ZNF654: variants seen among roughly 807,000 people sequenced by gnomAD.
ZNF654 encodes zinc finger protein 654.
A neutral mutation model predicts 95.3 loss-of-function variants in ZNF654; 19 were observed. The observed-to-expected ratio is 0.20, with a 90% confidence interval of 0.14 to 0.29. The LOEUF is 0.29. Among genes scored for constraint, ZNF654 ranks in the 10% least tolerant of loss-of-function variants. The probability of loss-of-function intolerance (pLI) is 1.00; values close to 1 mark genes in which losing one functional copy is unlikely to be tolerated. For synonymous variants in ZNF654, 413 were observed against 457.9 expected, an observed-to-expected ratio of 0.90 and a Z score of 1.25; for missense variants, 1,046 against 1,341.0, an observed-to-expected ratio of 0.78 and a Z score of 3.44.
At chr3:88,113,703 T>G (rs1169810070) in intron 3 of ZNF654, among the ~76,000 whole-genome samples, 4 of 152,160 alleles carry the variant, frequency 2.6e-5, no homozygotes, top group African/African-American at 9.7e-5. Context: ...ATCTTTTTAC[T>G]ACTTACTGGG....
At chr3:88,108,736 C>G (rs1215272001) in intron 2 of ZNF654, among the ~76,000 whole-genome samples, 1 of 151,772 alleles carries the variant, frequency 6.6e-6, no homozygotes, top group South Asian at 2.1e-4. Flanking sequence ...TAATAATGGC[C>G]CCAAAGCCAA....
intron 3 of ZNF654, among the ~76,000 whole-genome samples, chr3:88,113,779 T>G (rs946411705): frequency 9.3e-5 from 14 of 150,782 alleles, no homozygotes; most frequent in Non-Finnish European, 1.8e-4. Context: ...AGGGGTGAAG[T>G]GTCCCTGATC....
Position 88,140,223 on chromosome 3 carries a change from C to T in ZNF654, c.2554C>T (p.His852Tyr). ...FQAQCSFPEC[H>Y]ELFEDLPLLY... ...GGCTCAGTGTAGTTTTCCAGAATGC[C>T]ATGAGCTTTTTGAAGATCTTCCTCT... The change falls in exon 8 of 9, where the codon CAT becomes TAT. Residue 852 changes from histidine (H) to tyrosine (Y), a missense_variant. This residue lies in a region of ZNF654 where 495 missense variants were observed against 537.0 expected (regional missense o/e 0.92). Coordinates refer to ENST00000636215, the MANE Select transcript of ZNF654 (RefSeq NM_001350134.2). The T allele has an allele frequency of 6.2e-7, 1 of 1,613,832 alleles. No homozygotes were observed. Among genetic ancestry groups the T allele is most frequent in the South Asian group, 1.1e-5 (1 of 91,074 alleles).
intron 8 of ZNF654, 168 bp downstream of exon 8, chr3:88,141,216 T>TA: frequency 1.3e-6 from 1 of 761,956 alleles, no homozygotes; most frequent in Non-Finnish European, 2.0e-6. Context: ...TATGAGGTGA[T>TA]ACTAATATTC....
At chr3:88,062,044 A>G (rs1706916066) in intron 1 of ZNF654, among the ~76,000 whole-genome samples, 1 of 152,136 alleles carries the variant, frequency 6.6e-6, no homozygotes, top group African/African-American at 2.4e-5. Flanking sequence ...TGTGTCTTTT[A>G]CCATAAGGAA....
chr3:88,101,731 C>T (rs550188862), intron 2 of ZNF654, among the ~76,000 whole-genome samples: 9 of 152,098 alleles, frequency 5.9e-5, no homozygotes, highest in East Asian at 5.8e-4. Context: ...TTATGTTTAG[C>T]GTTTTGTAAA....
intron 1 of ZNF654, among the ~76,000 whole-genome samples, chr3:88,061,913 C>A (rs569393558): frequency 6.6e-6 from 1 of 152,020 alleles, no homozygotes; most frequent in East Asian, 1.9e-4. Context: ...AGTGGTGTTT[C>A]AAAGAAAGGC....
chr3:88,101,547 A>G (rs2107718854), intron 2 of ZNF654, among the ~76,000 whole-genome samples: 1 of 152,232 alleles, frequency 6.6e-6, no homozygotes, highest in Non-Finnish European at 1.5e-5. Context: ...TGTGCTTCAT[A>G]GATTTCAGTA....
intron 1 of ZNF654, among the ~76,000 whole-genome samples, chr3:88,077,730 A>G (rs948234376): frequency 2.0e-5 from 3 of 152,226 alleles, no homozygotes; most frequent in African/African-American, 7.2e-5. Flanking sequence ...GCAATTTAAC[A>G]GAATATTTTA....
At chr3:88,100,070 A>G (rs1704316829) in intron 2 of ZNF654, among the ~76,000 whole-genome samples, 1 of 152,180 alleles carries the variant, frequency 6.6e-6, no homozygotes, top group Non-Finnish European at 1.5e-5. Context: ...TTTACAATCT[A>G]CCCATCTGAC....
In ZNF654 at chr3:88,097,800, A is replaced by G. The variant is rs182940231; in HGVS notation, c.332+11398A>G. 7.0e-4 allele frequency among the ~76,000 whole-genome samples: 106 copies of G among 152,340 alleles called. 2 individuals are homozygous for G. Among genetic ancestry groups the G allele is most frequent in the Non-Finnish European group, 2.5e-4 (17 of 68,036 alleles). On this transcript the variant is annotated intron_variant, in intron 2 of 8. Coordinates refer to ENST00000636215, the MANE Select transcript of ZNF654 (RefSeq NM_001350134.2). ...TGAAACCAATGAGAACAAAGACACA[A>G]CATAACAGAATATCTGCGACACATT...
rs1384404365 is a variant in ZNF654, at chr3:88,143,716, C to T, written c.*2064C>T. On this transcript the variant is annotated 3_prime_UTR_variant, in exon 9 of 9. Transcript: ENST00000636215. ...TCTGTCTTTAACTTGAGGTTTATTT[C>T]TACTTTTGTGTTGCTAAAATTATTT... The T allele has an allele frequency of 2.0e-5, 3 of 152,132 alleles. No individual in the cohort carries two copies. The highest frequency in any genetic ancestry group is 4.4e-5 in the Non-Finnish European group (3 of 67,720). 9.4% of individuals were successfully genotyped at this position (152,132 alleles called of 1,614,324 possible).
intron 3 of ZNF654, among the ~76,000 whole-genome samples, chr3:88,114,999 T>C (rs145159559): frequency 8.9e-4 from 136 of 152,350 alleles, no homozygotes; most frequent in Admixed American, 3.6e-3. Context: ...AGCTCCGCAG[T>C]GGTTCTTCTC....
At chr3:88,099,698 A>C (rs1481809962) in intron 2 of ZNF654, among the ~76,000 whole-genome samples, 1 of 152,192 alleles carries the variant, frequency 6.6e-6, no homozygotes, top group Admixed American at 6.5e-5. Flanking sequence ...GATTTTGACA[A>C]TCCTGACAAA....
intron 3 of ZNF654, among the ~76,000 whole-genome samples, chr3:88,125,605 A>C (rs552898763): frequency 1.3e-5 from 2 of 152,260 alleles, no homozygotes; most frequent in East Asian, 1.9e-4. Context: ...ATTATCCAAC[A>C]AAGGGAAACA....
intron 1 of ZNF654, among the ~76,000 whole-genome samples, chr3:88,073,781 TAATC>T (rs1051029462): frequency 2.0e-5 from 3 of 152,206 alleles, no homozygotes; most frequent in Admixed American, 6.5e-5. Context: ...TAAAAATTGT[TAATC>T]AGTAGCTACA....
intron 6 of ZNF654, among the ~76,000 whole-genome samples, chr3:88,130,571 C>T (rs1201874538): frequency 2.0e-5 from 3 of 151,818 alleles, no homozygotes; most frequent in Non-Finnish European, 4.4e-5. Flanking sequence ...CCGCCTCAGC[C>T]TCCTCAGTAG....
chr3:88,102,626 C>T (rs1482850450), intron 2 of ZNF654, among the ~76,000 whole-genome samples: 1 of 152,148 alleles, frequency 6.6e-6, no homozygotes, highest in Non-Finnish European at 1.5e-5. Context: ...TCAGCCTCTC[C>T]TGTAAATCCA....
chr3:88,090,818 C>A (rs1576250376), intron 2 of ZNF654, among the ~76,000 whole-genome samples: 1 of 152,068 alleles, frequency 6.6e-6, no homozygotes, highest in Non-Finnish European at 1.5e-5. Context: ...ATTGTCTTGG[C>A]CCATACATAA....
Sources: allele counts gnomAD v4.1 joint callset (sites outside exome capture counted in the v4.1 genomes callset), GRCh38; gene constraint gnomAD v4.1.1; regional missense constraint gnomAD v4.1.1; transcripts MANE v1.5; gene names NCBI Gene and HGNC (gene_info 2026-07-23, HGNC 2026-07-21).